The following THOP1 variants were observed in gnomAD, a reference collection of about 807,000 sequenced individuals.
The protein encoded by THOP1 is thimet oligopeptidase 1, also known as thimet oligopeptidase.
THOP1 carries 49 observed loss-of-function variants against 71.8 expected under a neutral mutation model. The observed-to-expected ratio is 0.68, with a 90% CI of 0.54 to 0.87. The LOEUF is 0.87. Ranked by LOEUF, THOP1 falls within the 40% of genes least tolerant of loss-of-function variation. The pLI is 0.00. For missense variants in THOP1, 843 were observed against 975.6 expected, an observed-to-expected ratio of 0.86 and a Z score of 1.81; for synonymous variants, 426 against 421.5, an observed-to-expected ratio of 1.01 and a Z score of -0.13.
At chr19:2,790,823 G>A (rs1387083029) in intron 2 of THOP1, among the ~76,000 whole-genome samples, 190 bp downstream of exon 2, 5 of 152,334 alleles carry the variant, frequency 3.3e-5, no homozygotes, top group South Asian at 2.1e-4. Context: ...ATGGCTGGGC[G>A]GAAGCGTCTG....
Position 2,785,533 on chromosome 19 carries a change from C to T in THOP1, c.-130C>T, listed in dbSNP as rs1229569322. 26 of 1,116,184 alleles carry T rather than the reference C, an allele frequency of 2.3e-5. No homozygotes were observed. Among genetic ancestry groups the T allele is most frequent in the Admixed American group, 3.7e-5 (1 of 26,872 alleles). 69.1% of individuals were successfully genotyped at this position (1,116,184 alleles called of 1,614,324 possible). Reference sequence around the variant, plus strand: ...GCCCCGGGAGCGCGGGCGGCGGGCCCCTTGGTCCTCAGGCGGCCGTGGCGG... The same window carrying T: ...GCCCCGGGAGCGCGGGCGGCGGGCCTCTTGGTCCTCAGGCGGCCGTGGCGG... On this transcript the variant is annotated 5_prime_UTR_variant, in exon 1 of 13. Transcript: ENST00000307741.
At position 2,811,743 on chromosome 19, in the gene THOP1, G is replaced by A. The variant is rs770013673; in HGVS notation, c.1908+9G>A. 2 of 1,573,162 alleles carry A rather than the reference G, an allele frequency of 1.3e-6. No homozygotes were observed. On this transcript the variant is annotated intron_variant, in intron 12 of 12. Coordinates refer to ENST00000307741, the MANE Select transcript of THOP1 (RefSeq NM_003249.5). ...GTGTCCTGAACAGCAAGGTACGCGG[G>A]GACTGGGGACAGGGAGGGCGTCCTG...
rs1285879961 is a variant in THOP1, at chr19:2,796,302, G to C, written c.486+114G>C. On this transcript the variant is annotated intron_variant, in intron 4 of 12. Coordinates refer to ENST00000307741, the MANE Select transcript of THOP1 (RefSeq NM_003249.5). ...GGTGGGAGCAAGAAGCGCAGGGCAG[G>C]GGGAGTGCTGGGCTCGGGGAGTGCT... The C allele has an allele frequency of 1.0e-5, 8 of 803,310 alleles. No individual in the cohort carries two copies. In the Admixed American group the frequency reaches 1.4e-4, roughly 14 times the overall value. The allele number at this position is 803,310 out of a possible 1,614,324, so 49.8% of individuals were successfully genotyped here.
In THOP1 at chr19:2,790,644, G is replaced by A. The variant is rs770598967; in HGVS notation, c.229+11G>A. The A allele has an allele frequency of 4.6e-6, 7 of 1,531,186 alleles. No homozygotes were observed. The highest frequency in any genetic ancestry group is 3.9e-5 in the South Asian group (3 of 77,730). 94.8% of individuals were successfully genotyped at this position (1,531,186 alleles called of 1,614,324 possible). A position where few individuals can be genotyped will look rare whatever the true frequency, so the allele number is the denominator to read the frequency against. On this transcript the variant is annotated intron_variant, in intron 2 of 12. Transcript: ENST00000307741. ...AGGTCACCTACACAGGTAAGTCCCA[G>A]GCAGGGTCTGTGCGTGGGCCGCAGG... is the stretch of plus-strand genomic sequence containing the variant.
At chr19:2,787,651 A>G (rs1915779270) in intron 1 of THOP1, among the ~76,000 whole-genome samples, 1 of 152,238 alleles carries the variant, frequency 6.6e-6, no homozygotes, top group Non-Finnish European at 1.5e-5. Flanking sequence ...AAATGACCTC[A>G]ACTGACCGAC....
chr19:2,793,116 G>A (rs1240000687), intron 2 of THOP1, among the ~76,000 whole-genome samples: 11 of 151,612 alleles, frequency 7.3e-5, no homozygotes, highest in Admixed American at 5.2e-4. Flanking sequence ...CGGAGGTGGC[G>A]GTGAGCCGAG....
Position 2,785,512 on chromosome 19 carries a change from C to A in THOP1, c.-151C>A. On this transcript the variant is annotated 5_prime_UTR_variant, in exon 1 of 13. Transcript: ENST00000307741. Reference sequence around the variant, plus strand: ...GTGCGCGCGCCGCCCCAGCATGCCCCGGGAGCGCGGGCGGCGGGCCCCTTG... The same window carrying A: ...GTGCGCGCGCCGCCCCAGCATGCCCAGGGAGCGCGGGCGGCGGGCCCCTTG... 1.2e-6 allele frequency: 1 copy of A among 821,186 alleles called. No individual in the cohort carries two copies. The highest frequency in any genetic ancestry group is 1.7e-6 in the Non-Finnish European group (1 of 598,474). 50.9% of individuals were successfully genotyped at this position (821,186 alleles called of 1,614,324 possible). A position where few individuals can be genotyped will look rare whatever the true frequency, so the allele number is the denominator to read the frequency against.
At position 2,810,369 on chromosome 19, in the gene THOP1, G is replaced by A. The variant is rs1277576893; in HGVS notation, c.1521G>A (p.Met507Ile). 2 of 1,611,516 alleles carry A rather than the reference G, an allele frequency of 1.2e-6. No homozygotes were observed. Among genetic ancestry groups the A allele is most frequent in the African/African-American group, 2.7e-5 (2 of 74,900 alleles). ...ERDFVEAPSQ[M>I]LENWVWEQEP... ...ACTTTGTGGAGGCGCCGTCGCAGATGCTGGAGAACTGGGTGTGGGAGCAGG... is the reference window on the plus strand; with the variant it reads ...ACTTTGTGGAGGCGCCGTCGCAGATACTGGAGAACTGGGTGTGGGAGCAGG... Residue 507 changes from methionine (M) to isoleucine (I), a missense_variant, in exon 10 of 13, where the codon ATG becomes ATA. Physicochemically the swap from Met to Ile is conservative, Grantham distance 10. Transcript: ENST00000307741.
Position 2,811,617 on chromosome 19 carries a change from C to T in THOP1, c.1791C>T (p.Thr597=). 1 of 1,613,206 alleles carries T rather than the reference C, an allele frequency of 6.2e-7. No individual in the cohort carries two copies. The highest frequency in any genetic ancestry group is 1.1e-5 in the South Asian group (1 of 91,074). Residue 597 remains threonine, a synonymous_variant, in exon 12 of 13, where the codon ACC becomes ACT. Coordinates refer to ENST00000307741, the MANE Select transcript of THOP1 (RefSeq NM_003249.5). ...CCCCAGGAACCAACATGCCTGCAAC[C>T]TTCGGCCATCTGGCAGGTGGCTACG... The part of the protein sequence containing the change: ...PATPGTNMPA[T]FGHLAGGYDA...
intron 4 of THOP1, among the ~76,000 whole-genome samples, chr19:2,798,280 C>G (rs1468778351): frequency 1.3e-5 from 2 of 152,194 alleles, no homozygotes; most frequent in African/African-American, 4.8e-5. Flanking sequence ...ATTCACCCGC[C>G]TTGGCCTCCC....
At chr19:2,809,885 A>C (rs566158962) in intron 9 of THOP1, 2 of 185,966 alleles carry the variant, frequency 1.1e-5, no homozygotes, top group Admixed American at 1.1e-4. Context: ...CCATGGTTCC[A>C]GCGGGACTCA....
Position 2,807,808 on chromosome 19 carries a change from G to T in THOP1, c.1253G>T (p.Arg418Leu). ...AAGTTCTACCTGGACCTGTACCCGC[G>T]GTGGGTGAGGGCAGCGGGGGCGGGG... ...VGKFYLDLYP[R>L]EGKYGHAACF... Residue 418 changes from arginine (R) to leucine (L), a missense_variant and splice_region_variant, in exon 8 of 13, where the codon CGG (arginine) becomes CTG (leucine). Transcript: ENST00000307741. The T allele has an allele frequency of 6.7e-7, 1 of 1,485,282 alleles. No individual in the cohort carries two copies. 92.0% of individuals were successfully genotyped at this position (1,485,282 alleles called of 1,614,324 possible).
chr19:2,812,453 C>G (rs1308735306), intron 12 of THOP1: 1 of 1,379,904 alleles, frequency 7.2e-7, no homozygotes, highest in Non-Finnish European at 9.4e-7. Flanking sequence ...AGCAATGGTC[C>G]GACAAGCCCC....
At chr19:2,791,973 G>T (rs908644762) in intron 2 of THOP1, among the ~76,000 whole-genome samples, 29 of 152,206 alleles carry the variant, frequency 1.9e-4, no homozygotes, top group South Asian at 1.0e-3. Flanking sequence ...GGCCCCTCGC[G>T]CCCCTCGCCC....
chr19:2,811,557 G>A (rs1916461568), intron 11 of THOP1, 41 bp from the exon 12 acceptor site: 2 of 1,586,796 alleles, frequency 1.3e-6, no homozygotes, highest in Non-Finnish European at 1.7e-6. Flanking sequence ...GGAGCATGGG[G>A]TGGGGGCTAC....
Position 2,807,436 on chromosome 19 carries a change from C to A in THOP1, c.887-6C>A. On this transcript the variant is annotated splice_region_variant and splice_polypyrimidine_tract_variant and intron_variant, in intron 7 of 12. Coordinates refer to ENST00000307741, the MANE Select transcript of THOP1 (RefSeq NM_003249.5). ...CGAGAGGCCCACCTTTCTGCCCTCCCCGCAGATGAGCTGGCGCAGAAGCTG... is the reference window on the plus strand; with the variant it reads ...CGAGAGGCCCACCTTTCTGCCCTCCACGCAGATGAGCTGGCGCAGAAGCTG... 1 of 1,581,908 alleles carries A rather than the reference C, an allele frequency of 6.3e-7. No individual in the cohort carries two copies. The highest frequency in any genetic ancestry group is 8.6e-7 in the Non-Finnish European group (1 of 1,160,826).
chr19:2,797,062 T>C (rs974039398), intron 4 of THOP1, among the ~76,000 whole-genome samples: 1 of 152,144 alleles, frequency 6.6e-6, no homozygotes, highest in African/African-American at 2.4e-5. Flanking sequence ...GCTCGCCACA[T>C]GGGAAGCATG....
intron 4 of THOP1, among the ~76,000 whole-genome samples, chr19:2,796,866 C>T (rs933437491): frequency 2.6e-5 from 4 of 152,218 alleles, no homozygotes; most frequent in Admixed American, 1.3e-4. Flanking sequence ...GGAGCCCCTC[C>T]ACCCACTGCC....
chr19:2,799,861 G>A (rs1373969059), intron 5 of THOP1, 70 bp downstream of exon 5: 23 of 1,386,156 alleles, frequency 1.7e-5, no homozygotes, highest in Non-Finnish European at 1.9e-5. Context: ...CCAGGCCCTC[G>A]GGGGCCGCCG....
Sources: allele counts gnomAD v4.1 joint callset (sites outside exome capture counted in the v4.1 genomes callset), GRCh38; gene constraint gnomAD v4.1.1; transcripts MANE v1.5; gene names NCBI Gene and HGNC (gene_info 2026-07-23, HGNC 2026-07-21).